CSMD1: variants seen among roughly 807,000 people sequenced by gnomAD.
The protein encoded by CSMD1 is CUB and Sushi multiple domains 1, also known as CUB and sushi domain-containing protein 1.
CSMD1 carries 213 observed loss-of-function variants against 417.5 expected under a neutral mutation model. The observed-to-expected ratio is 0.51, with a 90% CI of 0.46 to 0.57. CSMD1 has a LOEUF of 0.57. Among genes scored for constraint, CSMD1 ranks in the 20% least tolerant of loss-of-function variants. The pLI is 0.00. For missense variants in CSMD1, 6,923 were observed against 4,529.7 expected, an observed-to-expected ratio of 1.53 and a Z score of -15.17; for synonymous variants, 2,862 against 1,736.8, an observed-to-expected ratio of 1.65 and a Z score of -16.11.
intron 1 of CSMD1, among the ~76,000 whole-genome samples, chr8:4,977,848 A>C (rs1232510947): frequency 6.6e-6 from 1 of 152,244 alleles, no homozygotes; most frequent in Admixed American, 6.5e-5. Context: ...ATAGGAATTG[A>C]CTAAGCACAG....
intron 23 of CSMD1, among the ~76,000 whole-genome samples, chr8:3,335,911 G>C (rs1299966899): frequency 6.6e-6 from 1 of 152,086 alleles, no homozygotes; most frequent in Non-Finnish European, 1.5e-5. Flanking sequence ...CCTGATCCAA[G>C]GCTTCTCTGT....
intron 5 of CSMD1, among the ~76,000 whole-genome samples, chr8:3,769,517 A>G (rs1006989946): frequency 2.7e-5 from 4 of 148,602 alleles, no homozygotes; most frequent in Non-Finnish European, 6.0e-5. Flanking sequence ...AAAAAATATA[A>G]TATCATTAAA....
At chr8:4,033,197 T>A (rs1797442487) in intron 3 of CSMD1, among the ~76,000 whole-genome samples, 1 of 149,546 alleles carries the variant, frequency 6.7e-6, no homozygotes, top group African/African-American at 2.5e-5. Context: ...TCCCAGCACT[T>A]TGGGAGGCCG....
At chr8:3,694,500 G>C (rs1011296469) in intron 7 of CSMD1, among the ~76,000 whole-genome samples, 7 of 152,180 alleles carry the variant, frequency 4.6e-5, no homozygotes, top group Middle Eastern at 3.4e-3. Flanking sequence ...GAAAGCATGT[G>C]CATAGAGACA....
intron 33 of CSMD1, 94 bp from the exon 34 acceptor site, chr8:3,190,209 C>T (rs1185871904): frequency 2.3e-6 from 2 of 864,150 alleles, no homozygotes; most frequent in East Asian, 5.5e-5. Flanking sequence ...CCAAGGAGAG[C>T]TGATGCAGAC....
intron 2 of CSMD1, among the ~76,000 whole-genome samples, chr8:4,449,722 A>C (rs1294148955): frequency 6.6e-6 from 1 of 152,176 alleles, no homozygotes; most frequent in Non-Finnish European, 1.5e-5. Context: ...AAGAAATGCC[A>C]GAATAGGGTC....
Position 3,031,256 on chromosome 8 carries a change from T to C in CSMD1, c.7661-1743A>G, listed in dbSNP as rs760352833. On this transcript the variant is annotated intron_variant, in intron 50 of 69. Transcript: ENST00000635120. ...GCATGTTCTCACTCATAGGTGGGAA[T>C]TGAACAACAAGATCACATGGACACA... Among the ~76,000 whole-genome samples, 75 of 138,838 alleles carry C rather than the reference T, an allele frequency of 5.4e-4. 1 individual carries two copies. Among genetic ancestry groups the C allele is most frequent in the Middle Eastern group, 8.3e-3 (2 of 240 alleles). The allele number at this position is 138,838 out of a possible 152,430, so 91.1% of individuals were successfully genotyped here. A position where few individuals can be genotyped will look rare whatever the true frequency, so the allele number is the denominator to read the frequency against.
At chr8:4,099,875 G>C (rs747313831) in intron 3 of CSMD1, among the ~76,000 whole-genome samples, 1 of 152,056 alleles carries the variant, frequency 6.6e-6, no homozygotes, top group Non-Finnish European at 1.5e-5. Context: ...TTAAGTTTTA[G>C]TTGTACTGGG....
intron 2 of CSMD1, among the ~76,000 whole-genome samples, chr8:4,592,352 T>A (rs55725705): frequency 0.034 from 5,177 of 152,000 alleles, 148 homozygotes; most frequent in African/African-American, 0.082. Flanking sequence ...ACAAATATTT[T>A]AAAAAATATA....
At chr8:4,420,775 C>T (rs993097117) in intron 2 of CSMD1, among the ~76,000 whole-genome samples, 3 of 152,114 alleles carry the variant, frequency 2.0e-5, no homozygotes, top group African/African-American at 4.8e-5. Context: ...CTGTGATCCA[C>T]AATAGGACTC....
At chr8:3,471,921 T>A (rs1469425521) in intron 11 of CSMD1, among the ~76,000 whole-genome samples, 13 of 152,140 alleles carry the variant, frequency 8.5e-5, no homozygotes, top group Admixed American at 8.5e-4. Context: ...TTGGTTCACA[T>A]GCAAAACGAG....
intron 5 of CSMD1, among the ~76,000 whole-genome samples, chr8:3,788,646 G>A (rs575818970): frequency 6.6e-6 from 1 of 152,270 alleles, no homozygotes; most frequent in Non-Finnish European, 1.5e-5. Flanking sequence ...AGCCCTCTGA[G>A]GTAGATAAAT....
chr8:3,576,615 AAAAC>A (rs1800161687), intron 9 of CSMD1, among the ~76,000 whole-genome samples: 2 of 152,230 alleles, frequency 1.3e-5, no homozygotes, highest in South Asian at 4.1e-4. Context: ...GTCCAAATGA[AAAAC>A]AAACATGGGT....
chr8:3,765,760 C>A (rs891587597), intron 5 of CSMD1, among the ~76,000 whole-genome samples: 1 of 152,184 alleles, frequency 6.6e-6, no homozygotes, highest in Non-Finnish European at 1.5e-5. Context: ...CTGGCATCCT[C>A]CTTTTGTTTG....
intron 1 of CSMD1, among the ~76,000 whole-genome samples, chr8:4,957,453 A>G (rs1809194315): frequency 6.6e-6 from 1 of 152,200 alleles, no homozygotes; most frequent in South Asian, 2.1e-4. Context: ...CTTTTTGCCT[A>G]AGTTCTCTTG....
intron 3 of CSMD1, among the ~76,000 whole-genome samples, chr8:4,385,242 C>T (rs1425028240): frequency 6.6e-6 from 1 of 152,156 alleles, no homozygotes; most frequent in African/African-American, 2.4e-5. Flanking sequence ...TAAAAAAGTT[C>T]TTAAATAGGT....
intron 5 of CSMD1, among the ~76,000 whole-genome samples, chr8:3,837,156 A>T (rs1476067925): frequency 6.6e-6 from 1 of 152,166 alleles, no homozygotes; most frequent in South Asian, 2.1e-4. Context: ...TAAAGGAAAA[A>T]AAAAAATCTG....
intron 1 of CSMD1, among the ~76,000 whole-genome samples, chr8:4,657,043 A>T (rs1804275283): frequency 6.6e-6 from 1 of 152,208 alleles, no homozygotes; most frequent in South Asian, 2.1e-4. Flanking sequence ...GCAAAAGATC[A>T]CAATGGAGGC....
At chr8:3,479,428 G>A (rs1817608931) in intron 11 of CSMD1, among the ~76,000 whole-genome samples, 1 of 152,072 alleles carries the variant, frequency 6.6e-6, no homozygotes, top group South Asian at 2.1e-4. Context: ...TTACAGGCAT[G>A]CACCACCATG....
Sources: allele counts gnomAD v4.1 joint callset (sites outside exome capture counted in the v4.1 genomes callset), GRCh38; gene constraint gnomAD v4.1.1; transcripts MANE v1.5; gene names NCBI Gene and HGNC (gene_info 2026-07-23, HGNC 2026-07-21).